The following RRAS2 variants were observed in gnomAD, a reference collection of about 807,000 sequenced individuals.
RRAS2 encodes the protein ras-related protein R-Ras2.
In RRAS2, 7 loss-of-function variants were observed where a neutral mutation model predicts 27.6. That is an observed-to-expected ratio of 0.25 (90% confidence interval 0.14 to 0.48). The LOEUF (loss-of-function observed/expected upper bound fraction) is 0.48, where lower values mean the gene tolerates loss of function less well. Ranked by LOEUF, RRAS2 falls within the 20% of genes least tolerant of loss-of-function variation. RRAS2 has a pLI of 0.99. For missense variants in RRAS2, 178 were observed against 256.2 expected, an observed-to-expected ratio of 0.69 and a Z score of 2.08; for synonymous variants, 86 against 90.9, an observed-to-expected ratio of 0.95 and a Z score of 0.31.
chr11:14,303,601 T>C (rs1380969051), intron 1 of RRAS2, among the ~76,000 whole-genome samples: 1 of 152,046 alleles, frequency 6.6e-6, no homozygotes, highest in Non-Finnish European at 1.5e-5. Context: ...AGTTTAAATA[T>C]CCTTCAGCCC....
intron 4 of RRAS2, among the ~76,000 whole-genome samples, chr11:14,290,540 A>AT: frequency 6.6e-6 from 1 of 152,176 alleles, no homozygotes; most frequent in Non-Finnish European, 1.5e-5. Context: ...TAAGGGTGGG[A>AT]GATAAGGCAT....
chr11:14,298,532 A>T (rs1447938729), intron 1 of RRAS2, among the ~76,000 whole-genome samples: 3 of 152,224 alleles, frequency 2.0e-5, no homozygotes, highest in Non-Finnish European at 4.4e-5. Flanking sequence ...CTTGAAACAC[A>T]ATCTTAGTAT....
At chr11:14,282,513 GTGATGTTTACTAAAAA>G (rs1203132785) in intron 4 of RRAS2, among the ~76,000 whole-genome samples, 1 of 152,172 alleles carries the variant, frequency 6.6e-6, no homozygotes, top group Non-Finnish European at 1.5e-5. Context: ...GATTTGAATA[GTGATGTTTACTAAAAA>G]TTATTAAACT....
At chr11:14,353,946 T>C (rs1231033131) in intron 1 of RRAS2, among the ~76,000 whole-genome samples, 3 of 152,190 alleles carry the variant, frequency 2.0e-5, no homozygotes, top group Admixed American at 1.3e-4. Context: ...ACATTAATGT[T>C]AAAAAAGTTT....
At chr11:14,317,315 C>G (rs939311288) in intron 1 of RRAS2, among the ~76,000 whole-genome samples, 2 of 152,232 alleles carry the variant, frequency 1.3e-5, no homozygotes, top group Non-Finnish European at 2.9e-5. Context: ...CATGGTGGCT[C>G]ACACCTGTAA....
chr11:14,333,188 T>C (rs1164652694), intron 1 of RRAS2, among the ~76,000 whole-genome samples: 1 of 152,156 alleles, frequency 6.6e-6, no homozygotes, highest in Non-Finnish European at 1.5e-5. Context: ...TTAAGTCCAC[T>C]AGAAAAAAGA....
At chr11:14,324,444 A>T (rs1160747064) in intron 1 of RRAS2, among the ~76,000 whole-genome samples, 1 of 151,016 alleles carries the variant, frequency 6.6e-6, no homozygotes, top group Non-Finnish European at 1.5e-5. Context: ...AAAAAAAAAA[A>T]GGAAAACGTA....
At chr11:14,355,770 T>C (rs1367905822) in intron 1 of RRAS2, among the ~76,000 whole-genome samples, 1 of 152,098 alleles carries the variant, frequency 6.6e-6, no homozygotes, top group Non-Finnish European at 1.5e-5. Flanking sequence ...AAAAAGTAAG[T>C]CCAATTTGTG....
chr11:14,361,667 T>C (rs939240433), upstream of RRAS2, among the ~76,000 whole-genome samples: 30 of 152,244 alleles, frequency 2.0e-4, no homozygotes, highest in Non-Finnish European at 3.1e-4. Context: ...ATGCCACTGC[T>C]TTGGAAAACT....
chr11:14,303,601 T>A (rs1380969051), intron 1 of RRAS2, among the ~76,000 whole-genome samples: 1 of 152,046 alleles, frequency 6.6e-6, no homozygotes, highest in Non-Finnish European at 1.5e-5. Flanking sequence ...AGTTTAAATA[T>A]CCTTCAGCCC....
At chr11:14,303,414 C>T (rs1391291345) in intron 1 of RRAS2, among the ~76,000 whole-genome samples, 1 of 152,174 alleles carries the variant, frequency 6.6e-6, no homozygotes, top group Non-Finnish European at 1.5e-5. Flanking sequence ...AGGCAAGTCT[C>T]ATAATTTTTT....
intron 1 of RRAS2, among the ~76,000 whole-genome samples, chr11:14,353,093 C>T (rs1848999270): frequency 6.6e-6 from 1 of 152,062 alleles, no homozygotes; most frequent in Non-Finnish European, 1.5e-5. Flanking sequence ...GCCACCGTGC[C>T]CAGCTAAAAT....
intron 1 of RRAS2, among the ~76,000 whole-genome samples, chr11:14,302,109 C>CACACACACACA (rs1415452446): frequency 7.2e-6 from 1 of 138,908 alleles, no homozygotes; most frequent in Non-Finnish European, 1.6e-5. Flanking sequence ...CACACACACA[C>CACACACACACA]ACCAAAAACC....
At chr11:14,332,204 C>T (rs1166722975) in intron 1 of RRAS2, among the ~76,000 whole-genome samples, 1 of 152,188 alleles carries the variant, frequency 6.6e-6, no homozygotes, top group African/African-American at 2.4e-5. Flanking sequence ...TAAGTCCAAA[C>T]AATGACTTGT....
intron 1 of RRAS2, among the ~76,000 whole-genome samples, chr11:14,312,925 T>G (rs1201067074): frequency 1.3e-5 from 2 of 152,188 alleles, no homozygotes; most frequent in African/African-American, 4.8e-5. Flanking sequence ...CCAAACCACA[T>G]GCCTGGAGGC....
At chr11:14,361,724 C>A (rs1038156194), upstream of RRAS2, among the ~76,000 whole-genome samples, 1 of 152,154 alleles carries the variant, frequency 6.6e-6, no homozygotes, top group Non-Finnish European at 1.5e-5. Context: ...TACCAACAAC[C>A]TGACAATTAC....
chr11:14,296,948 G>T (rs566444708), intron 1 of RRAS2, among the ~76,000 whole-genome samples: 2 of 152,200 alleles, frequency 1.3e-5, no homozygotes, highest in South Asian at 4.2e-4. Flanking sequence ...AGGATCACCT[G>T]AGCCCAGAAG....
intron 1 of RRAS2, among the ~76,000 whole-genome samples, chr11:14,332,705 A>T (rs552845366): frequency 6.6e-6 from 1 of 152,276 alleles, no homozygotes; most frequent in South Asian, 2.1e-4. Context: ...ACCTTCTTGG[A>T]GAGATAGAAA....
chr11:14,279,474 A>C (rs782282961), intron 5 of RRAS2, 50 bp from the exon 6 acceptor site: 65 of 1,272,706 alleles, frequency 5.1e-5, no homozygotes, highest in Non-Finnish European at 6.1e-5. Context: ...GTAATCTACT[A>C]TTACAAACAC....
Sources: allele counts gnomAD v4.1 joint callset (sites outside exome capture counted in the v4.1 genomes callset), GRCh38; gene constraint gnomAD v4.1.1; transcripts MANE v1.5; gene names NCBI Gene and HGNC (gene_info 2026-07-23, HGNC 2026-07-21).